Variants in P2RX7 observed in about 807,000 individuals in gnomAD.
P2RX7 encodes the protein purinergic receptor P2X 7.
Under a neutral mutation model 71.6 loss-of-function variants are expected in P2RX7, and 62 were observed. The observed-to-expected ratio is 0.87, with a 90% CI of 0.71 to 1.07. P2RX7 has a LOEUF of 1.07. Ranked by LOEUF, P2RX7 falls within the 50% of genes least tolerant of loss-of-function variation. The pLI is 0.00. For synonymous variants in P2RX7, 299 were observed against 283.3 expected (o/e 1.06, Z -0.56); for missense variants, 686 against 748.5 (o/e 0.92, Z 0.97).
chr12:121,135,821 G>A (rs1386145098), intron 1 of P2RX7, among the ~76,000 whole-genome samples: 1 of 150,414 alleles, frequency 6.6e-6, no homozygotes, highest in Non-Finnish European at 1.5e-5. Flanking sequence ...TGGCCAACGT[G>A]GTGGAAACTC....
chr12:121,169,864 GT>G (rs1178662308), intron 8 of P2RX7, among the ~76,000 whole-genome samples: 1 of 152,100 alleles, frequency 6.6e-6, no homozygotes, highest in Non-Finnish European at 1.5e-5. Flanking sequence ...GTGAACCGTG[GT>G]TGTGCCACTG....
intron 1 of P2RX7, among the ~76,000 whole-genome samples, chr12:121,133,881 A>G (rs1369361792): frequency 1.3e-5 from 2 of 151,000 alleles, no homozygotes; most frequent in Non-Finnish European, 2.9e-5. Flanking sequence ...GCATGTGTTG[A>G]TACTTCATTC....
intron 11 of P2RX7, among the ~76,000 whole-genome samples, chr12:121,179,174 T>C (rs1883679061): frequency 6.6e-6 from 1 of 152,094 alleles, no homozygotes; most frequent in African/African-American, 2.4e-5. Context: ...CTCCATGATT[T>C]TCCCCAAAGA....
chr12:121,164,518 C>T (rs373374762), intron 5 of P2RX7, among the ~76,000 whole-genome samples: 17 of 152,166 alleles, frequency 1.1e-4, no homozygotes, highest in African/African-American at 3.1e-4. Context: ...CGGTGGCTCA[C>T]GCCTGTAATC....
rs188341582 is a variant in P2RX7, at chr12:121,177,755, A to G, written c.1188+309A>G. 5.3e-4 allele frequency among the ~76,000 whole-genome samples: 81 copies of G among 151,518 alleles called. No individual in the cohort carries two copies. In the East Asian group the frequency reaches 0.01, roughly 19 times the overall value. On this transcript the variant is annotated intron_variant, in intron 11 of 12. Coordinates refer to ENST00000328963, the MANE Select transcript of P2RX7 (RefSeq NM_002562.6). ...TTATTTTCAGATGGAGTCTTGCTCT[A>G]TCACCCAGGCTGGAGTGCAGAGGCA...
chr12:121,177,691 T>C (rs937333833), intron 11 of P2RX7, among the ~76,000 whole-genome samples: 49 of 61,300 alleles, frequency 8.0e-4, no homozygotes, highest in Admixed American at 2.8e-3. Context: ...TTTTGTCATT[T>C]ATTTATTTAT....
chr12:121,167,922 C>G (rs1881440943), intron 8 of P2RX7, among the ~76,000 whole-genome samples: 1 of 151,832 alleles, frequency 6.6e-6, no homozygotes, highest in South Asian at 2.1e-4. Flanking sequence ...AAGCGACTCT[C>G]CTGCCTCAGC....
intron 12 of P2RX7, among the ~76,000 whole-genome samples, chr12:121,180,784 G>A (rs1193531986): frequency 2.6e-5 from 4 of 152,040 alleles, no homozygotes; most frequent in Non-Finnish European, 5.9e-5. Context: ...CCAACATGGT[G>A]AAACCTCGTC....
intron 1 of P2RX7, among the ~76,000 whole-genome samples, chr12:121,138,411 G>T (rs1039456645): frequency 2.6e-5 from 4 of 152,256 alleles, no homozygotes; most frequent in African/African-American, 9.6e-5. Context: ...TGATTGATCA[G>T]ATGTGAGTTA....
At position 121,160,137 on chromosome 12, in the gene P2RX7, T is replaced by C. The variant is rs577765925; in HGVS notation, c.364-765T>C. Among the ~76,000 whole-genome samples the C allele has an allele frequency of 2.1e-3, 316 of 151,746 alleles. 2 individuals are homozygous for C. Among genetic ancestry groups the C allele is most frequent in the African/African-American group, 7.2e-3 (298 of 41,340 alleles). On this transcript the variant is annotated intron_variant, in intron 3 of 12. Coordinates refer to ENST00000328963, the MANE Select transcript of P2RX7 (RefSeq NM_002562.6). ...CTTTCTTTCTTTCTTTTTCTTTCTT[T>C]CTTCCTTCCTTCCTTTCTTTCTTTT...
chr12:121,162,293 G>A, intron 4 of P2RX7, 131 bp from the exon 5 acceptor site: 1 of 1,453,960 alleles, frequency 6.9e-7, no homozygotes, highest in Non-Finnish European at 9.1e-7. Flanking sequence ...GGAAGCTGAA[G>A]CTGCGTGGGT....
chr12:121,159,711 C>T (rs1879263726), intron 3 of P2RX7, among the ~76,000 whole-genome samples: 1 of 152,176 alleles, frequency 6.6e-6, no homozygotes, highest in Admixed American at 6.6e-5. Flanking sequence ...CAGGGCAGCT[C>T]ATTTCTCTCT....
intron 1 of P2RX7, among the ~76,000 whole-genome samples, chr12:121,142,786 C>T (rs1332700345): frequency 2.0e-5 from 3 of 152,080 alleles, no homozygotes; most frequent in Non-Finnish European, 4.4e-5. Context: ...GTCATCTCGC[C>T]ATCTCAAAAT....
chr12:121,141,968 A>G (rs1874988223), intron 1 of P2RX7, among the ~76,000 whole-genome samples: 1 of 152,154 alleles, frequency 6.6e-6, no homozygotes, highest in South Asian at 2.1e-4. Flanking sequence ...TTTGATACAC[A>G]AGGAATAACA....
rs61743820 is a variant in P2RX7 at position 121,177,358 on chromosome 12, T to C, written c.1100T>C (p.Ile367Thr). Residue 367 changes from isoleucine (I) to threonine (T), a missense_variant, in exon 11 of 13, where the codon ATT (isoleucine) becomes ACT (threonine). Physicochemically the swap from Ile to Thr is moderately conservative, Grantham distance 89 (BLOSUM62 -1). Transcript: ENST00000328963. ...TYSSNCCRSH[I>T]YPWCKCCQPC... Reference sequence around the variant, plus strand: ...TCCAGTAACTGCTGTCGCTCCCATATTTATCCCTGGTGCAAGTGCTGTCAG... The same window carrying C: ...TCCAGTAACTGCTGTCGCTCCCATACTTATCCCTGGTGCAAGTGCTGTCAG... 6.2e-7 allele frequency: 1 copy of C among 1,613,922 alleles called. No homozygotes were observed. Among genetic ancestry groups the C allele is most frequent in the African/African-American group, 1.3e-5 (1 of 74,920 alleles).
chr12:121,143,975 C>T (rs1485474398), intron 1 of P2RX7, among the ~76,000 whole-genome samples: 5 of 152,196 alleles, frequency 3.3e-5, no homozygotes, highest in African/African-American at 7.2e-5. Context: ...ACCATCATCA[C>T]AATCCAGTTT....
chr12:121,183,236 A>G (rs1299859619), intron 12 of P2RX7, among the ~76,000 whole-genome samples: 1 of 151,474 alleles, frequency 6.6e-6, no homozygotes, highest in Non-Finnish European at 1.5e-5. Flanking sequence ...TATTTTTAAC[A>G]TTTTTTATTT....
At chr12:121,170,839 C>T (rs1882037913) in intron 8 of P2RX7, among the ~76,000 whole-genome samples, 1 of 152,058 alleles carries the variant, frequency 6.6e-6, no homozygotes, top group African/African-American at 2.4e-5. Flanking sequence ...AGTTATTTTC[C>T]AGCAGACACA....
In P2RX7 at chr12:121,187,069, A is replaced by G. The variant is rs191804086; in HGVS notation, c.*2267A>G. The G allele has an allele frequency of 5.9e-5, 9 of 152,348 alleles. No individual in the cohort carries two copies. 9.4% of individuals were successfully genotyped at this position (152,348 alleles called of 1,614,324 possible). ...TGAGAATATGAAAATGCACAGTGAC[A>G]GGTTTTAGGATCCTGCTTCAGGATT... On this transcript the variant is annotated 3_prime_UTR_variant, in exon 13 of 13. Coordinates refer to ENST00000328963, the MANE Select transcript of P2RX7 (RefSeq NM_002562.6).
Sources: allele counts gnomAD v4.1 joint callset (sites outside exome capture counted in the v4.1 genomes callset), GRCh38; gene constraint gnomAD v4.1.1; transcripts MANE v1.5; gene names NCBI Gene and HGNC (gene_info 2026-07-23, HGNC 2026-07-21).